The following SBF2 variants were observed in gnomAD, a reference collection of about 807,000 sequenced individuals.
SBF2 encodes the protein SET binding factor 2.
A neutral mutation model predicts 225.2 loss-of-function variants in SBF2; 112 were observed. The observed-to-expected ratio is 0.50, with a 90% CI of 0.43 to 0.58. The LOEUF (loss-of-function observed/expected upper bound fraction) is 0.58, where lower values mean the gene tolerates loss of function less well. SBF2 is among the 20% of genes least tolerant of loss of function. SBF2 has a pLI of 0.00. For synonymous variants in SBF2, 763 were observed against 773.3 expected, an observed-to-expected ratio of 0.99 and a Z score of 0.22; for missense variants, 1,996 against 2,206.2, an observed-to-expected ratio of 0.90 and a Z score of 1.91.
At chr11:10,143,416 C>T (rs180989927) in intron 2 of SBF2, among the ~76,000 whole-genome samples, 21 of 152,244 alleles carry the variant, frequency 1.4e-4, no homozygotes, top group African/African-American at 5.1e-4. Flanking sequence ...AGGTGATCCG[C>T]CCACATGGGC....
At chr11:9,868,337 C>CAAAAAAAAAAAA (rs35348349) in intron 17 of SBF2, among the ~76,000 whole-genome samples, 24 of 26,370 alleles carry the variant, frequency 9.1e-4, no homozygotes, top group Admixed American at 2.3e-3. Context: ...TACAAAAATA[C>CAAAAAAAAAAAA]AAAAAAAAAA....
chr11:10,011,774 G>C (rs1038833925), intron 6 of SBF2, among the ~76,000 whole-genome samples: 5 of 152,134 alleles, frequency 3.3e-5, no homozygotes, highest in Non-Finnish European at 5.9e-5. Context: ...TTCTCTTGCT[G>C]TTCTCAAGGG....
intron 14 of SBF2, among the ~76,000 whole-genome samples, chr11:9,966,652 T>C (rs558813387): frequency 2.6e-4 from 39 of 152,118 alleles, no homozygotes; most frequent in African/African-American, 8.9e-4. Context: ...AAATAATATA[T>C]CTGGTAGGGG....
chr11:9,802,363 G>T (rs552270397), intron 32 of SBF2, among the ~76,000 whole-genome samples: 1 of 152,274 alleles, frequency 6.6e-6, no homozygotes, highest in African/African-American at 2.4e-5. Flanking sequence ...GGATATACTG[G>T]CGTAAACAAT....
intron 2 of SBF2, among the ~76,000 whole-genome samples, chr11:10,136,180 T>C (rs1344881739): frequency 6.6e-6 from 1 of 152,054 alleles, no homozygotes. Flanking sequence ...GAGAATATCA[T>C]GGGAAAGACC....
At chr11:9,943,984 A>G (rs989268052) in intron 16 of SBF2, among the ~76,000 whole-genome samples, 2 of 152,204 alleles carry the variant, frequency 1.3e-5, no homozygotes, top group Non-Finnish European at 2.9e-5. Context: ...TGCCAGGGCA[A>G]TGAAATATCC....
chr11:9,880,625 C>G (rs1859682219), intron 17 of SBF2, among the ~76,000 whole-genome samples: 1 of 152,162 alleles, frequency 6.6e-6, no homozygotes. Context: ...ATCTTCCTAT[C>G]TTCTACACTG....
chr11:10,012,805 G>T (rs1368993782), intron 6 of SBF2, among the ~76,000 whole-genome samples: 1 of 151,784 alleles, frequency 6.6e-6, no homozygotes, highest in Non-Finnish European at 1.5e-5. Context: ...CTTTGAGAGG[G>T]TGCTCACTGC....
chr11:9,893,509 C>T (rs879619294), intron 17 of SBF2, among the ~76,000 whole-genome samples: 1 of 152,192 alleles, frequency 6.6e-6, no homozygotes, highest in African/African-American at 2.4e-5. Flanking sequence ...CTTCCTAGTT[C>T]TGGTGTACTT....
intron 1 of SBF2, among the ~76,000 whole-genome samples, chr11:10,226,983 C>T (rs1456294917): frequency 1.1e-4 from 17 of 152,108 alleles, no homozygotes; most frequent in African/African-American, 3.9e-4. Context: ...CTCTCCAGCA[C>T]CTGTTGTTTC....
intron 7 of SBF2, among the ~76,000 whole-genome samples, chr11:10,001,810 G>A (rs964844461): frequency 1.3e-5 from 2 of 152,126 alleles, no homozygotes; most frequent in East Asian, 1.9e-4. Context: ...ACAGGTGTGA[G>A]CCACTGCGCC....
chr11:9,891,805 G>A (rs1236971992), intron 17 of SBF2, among the ~76,000 whole-genome samples: 1 of 152,144 alleles, frequency 6.6e-6, no homozygotes, highest in Non-Finnish European at 1.5e-5. Flanking sequence ...GGTGGCTGTC[G>A]CATGACAAAT....
intron 2 of SBF2, among the ~76,000 whole-genome samples, chr11:10,107,767 C>A (rs1952614667): frequency 6.6e-6 from 1 of 152,140 alleles, no homozygotes; most frequent in Non-Finnish European, 1.5e-5. Flanking sequence ...ATTGGATTTA[C>A]GGCCCGTCCT....
chr11:9,808,154 G>A lies in SBF2; in HGVS notation c.4289C>T (p.Pro1430Leu). 6.2e-7 allele frequency: 1 copy of A among 1,614,042 alleles called. No homozygotes were observed. The highest frequency in any genetic ancestry group is 8.5e-7 in the Non-Finnish European group (1 of 1,179,978). The change falls in exon 32 of 40, where the codon CCC becomes CTC. Residue 1430 changes from proline (P) to leucine (L), a missense_variant. Physicochemically the swap from Pro to Leu is moderately conservative, Grantham distance 98. Coordinates refer to ENST00000256190, the MANE Select transcript of SBF2 (RefSeq NM_030962.4). ...VTSLVQLLSD[P>L]FYRTLEGFQM... is the part of the protein sequence containing the mutation. The stretch of plus-strand genomic sequence containing the variant: ...GAAGCCTTCAAGTGTCCTATAAAAG[G>A]GATCACTGAGTAACTGAACCAGGGA...
chr11:10,258,071 T>TACACACACACACACACACAC (rs1405915031), intron 1 of SBF2, among the ~76,000 whole-genome samples: 2 of 96,254 alleles, frequency 2.1e-5, no homozygotes. Flanking sequence ...GAGGTATAAA[T>TACACACACACACACACACAC]ACACACACAT....
chr11:10,135,817 T>C (rs957563774), intron 2 of SBF2, among the ~76,000 whole-genome samples: 1 of 152,178 alleles, frequency 6.6e-6, no homozygotes, highest in Non-Finnish European at 1.5e-5. Context: ...TTTTCCTATC[T>C]TCTCCTAAGC....
intron 1 of SBF2, among the ~76,000 whole-genome samples, chr11:10,274,848 C>G (rs1004379689): frequency 6.6e-6 from 1 of 151,820 alleles, no homozygotes; most frequent in Admixed American, 6.6e-5. Flanking sequence ...GTACTACATT[C>G]AAGAGTCTGC....
intron 17 of SBF2, among the ~76,000 whole-genome samples, chr11:9,875,390 ACGAGCTCCT>A (rs1461335648): frequency 1.3e-5 from 2 of 152,132 alleles, no homozygotes; most frequent in Non-Finnish European, 2.9e-5. Context: ...CCTCCTACCC[ACGAGCTCCT>A]CTTTTTATTA....
At chr11:9,829,301 C>A (rs1855241157) in intron 28 of SBF2, 55 bp downstream of exon 28, 1 of 1,570,282 alleles carries the variant, frequency 6.4e-7, no homozygotes, top group Non-Finnish European at 8.8e-7. Flanking sequence ...ACCCTAGGAA[C>A]AGAACTGACC....
Sources: gnomAD v4.1 joint callset for allele counts (sites outside exome capture counted in the v4.1 genomes callset) on GRCh38, gnomAD v4.1.1 for gene constraint, MANE v1.5 for transcripts, NCBI Gene and HGNC (gene_info 2026-07-23, HGNC 2026-07-21) for gene names.